Variants in THBS2 observed in about 807,000 individuals in gnomAD.
THBS2 encodes the protein thrombospondin 2.
A neutral mutation model predicts 135.2 loss-of-function variants in THBS2; 47 were observed. The observed-to-expected ratio is 0.35, with a 90% CI of 0.28 to 0.44. THBS2 has a LOEUF of 0.44. THBS2 is among the 20% of genes least tolerant of loss of function. The probability of loss-of-function intolerance (pLI) is 1.00; values close to 1 mark genes in which losing one functional copy is unlikely to be tolerated. For synonymous variants in THBS2, 639 were observed against 633.8 expected (o/e 1.01, Z -0.12); for missense variants, 1,288 against 1,603.1 (o/e 0.80, Z 3.36).
chr6:169,248,207 C>CACATGCCTGTGGCTGCGTGT (rs1780623387), intron 3 of THBS2, among the ~76,000 whole-genome samples: 1 of 151,526 alleles, frequency 6.6e-6, no homozygotes, highest in Non-Finnish European at 1.5e-5. Context: ...TGCATGTGTG[C>CACATGCCTGTGGCTGCGTGT]ACATGCCTGT....
Position 169,232,001 on chromosome 6 carries a change from G to A in THBS2, c.2130C>T (p.Asn710=), listed in dbSNP as rs753368388. ...WPNLNLVCAT[N]ATYHCIKDNC... ...TCACCTTGATGCAGTGGTAGGTGGC[G>A]TTGGTGGCGCAGACCAGATTGAGGT... The change falls in exon 13 of 22, where the codon AAC becomes AAT. Residue 710 remains asparagine (N), a synonymous_variant. Transcript: ENST00000617924. The A allele has an allele frequency of 5.6e-6, 9 of 1,613,842 alleles. No homozygotes were observed. The highest frequency in any genetic ancestry group is 4.4e-5 in the South Asian group (4 of 91,084).
intron 12 of THBS2, among the ~76,000 whole-genome samples, 189 bp from the exon 13 acceptor site, chr6:169,232,387 G>C (rs1002603049): frequency 2.6e-5 from 4 of 152,304 alleles, no homozygotes; most frequent in South Asian, 4.1e-4. Flanking sequence ...TTGTGACTCA[G>C]CCATCGTTTC....
In THBS2 at chr6:169,216,304, AT is replaced by A. The variant is rs947296486; in HGVS notation, c.*1517del. 4.3e-4 allele frequency: 65 copies of A among 152,296 alleles called. No homozygotes were observed. Among genetic ancestry groups the A allele is most frequent in the African/African-American group, 1.5e-3 (64 of 41,548 alleles). The allele number at this position is 152,296 out of a possible 1,614,324, so 9.4% of individuals were successfully genotyped here. On this transcript the variant is annotated 3_prime_UTR_variant, in exon 22 of 22. Coordinates refer to ENST00000617924, the MANE Select transcript of THBS2 (RefSeq NM_003247.5). ...GACTATTAACAGAAAGGGGAAAAAGATTTGCCCCCTATCCATCATCAGACAG... is the reference window on the plus strand; with the variant it reads ...GACTATTAACAGAAAGGGGAAAAAGATTGCCCCCTATCCATCATCAGACAG...
chr6:169,235,646 C>G (rs1186172379), intron 9 of THBS2, among the ~76,000 whole-genome samples: 1 of 151,900 alleles, frequency 6.6e-6, no homozygotes, highest in Non-Finnish European at 1.5e-5. Context: ...CCTCTGTCCA[C>G]ACTCACTACT....
chr6:169,225,725 T>C (rs1262419034), intron 16 of THBS2, among the ~76,000 whole-genome samples: 1 of 152,230 alleles, frequency 6.6e-6, no homozygotes, highest in African/African-American at 2.4e-5. Context: ...CATAGGATAA[T>C]ATATCCTATG....
At chr6:169,237,144 C>T in intron 9 of THBS2, 26 bp downstream of exon 9, 1 of 1,583,566 alleles carries the variant, frequency 6.3e-7, no homozygotes, top group Non-Finnish European at 8.6e-7. Context: ...CCCGCCCACC[C>T]AGGGCCCCGC....
At chr6:169,242,805 ACCTTCCCAC>A (rs1299367429) in intron 4 of THBS2, among the ~76,000 whole-genome samples, 2 of 95,632 alleles carry the variant, frequency 2.1e-5, no homozygotes, top group Admixed American at 1.0e-4. Flanking sequence ...CCACCTTCCC[ACCTTCCCAC>A]CACTCCCACC....
intron 4 of THBS2, among the ~76,000 whole-genome samples, chr6:169,245,217 G>A (rs1297736806): frequency 2.6e-5 from 4 of 152,160 alleles, no homozygotes; most frequent in Non-Finnish European, 4.4e-5. Context: ...GCTCAACATG[G>A]CAGCCACACA....
rs1454481401 is a variant in THBS2 at position 169,237,280 on chromosome 6, C to G, written c.1367G>C (p.Gly456Ala). ...GCAGAGACGGATGCGTGTGATATTG[C>G]CAACTCCACAGGTCACAGAGCATGA... ...WSSCSVTCGV[G>A]NITRIRLCNS... Residue 456 changes from glycine (G) to alanine (A), a missense_variant, in exon 9 of 22, where the codon GGC becomes GCC. Physicochemically the swap from Gly to Ala is moderately conservative, Grantham distance 60. This residue lies in a region of THBS2 where 874 missense variants were observed against 1,156.1 expected (regional missense o/e 0.76). Transcript: ENST00000617924. 1.2e-6 allele frequency: 2 copies of G among 1,613,484 alleles called. No individual in the cohort carries two copies. The highest frequency in any genetic ancestry group is 4.5e-5 in the East Asian group (2 of 44,884).
rs577405635 is a variant in THBS2 at position 169,225,235 on chromosome 6, C to T, written c.2683G>A (p.Ala895Thr). 223 of 1,613,970 alleles carry T rather than the reference C, an allele frequency of 1.4e-4. 1 individual carries two copies. In the South Asian group the frequency reaches 1.7e-3, roughly 12 times the overall value. ...ADHDRDGQGD[A>T]CDPDDDNDGV... Reference sequence around the variant, plus strand: ...TCGTTGTCATCATCAGGGTCACAGGCGTCGCCCTGGCCGTCTCTGTCATGG... The same window carrying T: ...TCGTTGTCATCATCAGGGTCACAGGTGTCGCCCTGGCCGTCTCTGTCATGG... The change falls in exon 17 of 22, where the codon GCC (alanine) becomes ACC (threonine). Residue 895 changes from alanine to threonine, a missense_variant. Ala to Thr is a moderately conservative substitution (Grantham distance 58). Around this residue, in one of 2 missense-constraint regions of THBS2, gnomAD observed 874 missense variants for 1,156.1 expected, o/e 0.76. Coordinates refer to ENST00000617924, the MANE Select transcript of THBS2 (RefSeq NM_003247.5).
rs143803225 is a variant in THBS2 at position 169,231,085 on chromosome 6, C to G, written c.2151+895G>C. ...AGTCCCCACGATGGATGTCCGCGTC[C>G]TAGTGTCTTGGCGCCCGGGGATGTC... On this transcript the variant is annotated intron_variant, in intron 13 of 21. Coordinates refer to ENST00000617924, the MANE Select transcript of THBS2 (RefSeq NM_003247.5). Among the ~76,000 whole-genome samples the G allele has an allele frequency of 1.4e-4, 22 of 152,286 alleles. No homozygotes were observed. In the East Asian group the frequency reaches 3.3e-3, roughly 23 times the overall value.
chr6:169,234,618 G>A lies in THBS2; in HGVS notation c.1651+116C>T, dbSNP rs1433396742. On this transcript the variant is annotated intron_variant, in intron 10 of 21. Transcript: ENST00000617924. Reference sequence around the variant, plus strand: ...GTTAAAAGTAGTTATCTTTGCGTGTGCAACTAAAATTGATTTTTCTTTTCT... The same window carrying A: ...GTTAAAAGTAGTTATCTTTGCGTGTACAACTAAAATTGATTTTTCTTTTCT... 2.9e-5 allele frequency: 31 copies of A among 1,071,302 alleles called. No homozygotes were observed. The African/African-American group carries it at 4.1e-4, about 14-fold the overall frequency. The allele number at this position is 1,071,302 out of a possible 1,614,324, so 66.4% of individuals were successfully genotyped here.
At chr6:169,224,141 T>TAGGA (rs10661544) in intron 17 of THBS2, among the ~76,000 whole-genome samples, 4 of 151,792 alleles carry the variant, frequency 2.6e-5, no homozygotes, top group South Asian at 4.2e-4. Context: ...CCTGCCGTTT[T>TAGGA]GGAGGAAAGG....
chr6:169,229,651 C>A lies in THBS2; in HGVS notation c.2180G>T (p.Gly727Val). ...CCCGTCCTTGTCAAAGTCTTCCTGC[C>A]CAGAATTTGGCAGATGGGGGCAGTT... is the stretch of plus-strand genomic sequence containing the variant. ...KDNCPHLPNS[G>V]QEDFDKDGIG... Residue 727 changes from glycine (G) to valine (V), a missense_variant, in exon 14 of 22, where the codon GGG becomes GTG. Physicochemically the swap from Gly to Val is moderately radical, Grantham distance 109. Coordinates refer to ENST00000617924, the MANE Select transcript of THBS2 (RefSeq NM_003247.5). 6.2e-7 allele frequency: 1 copy of A among 1,613,946 alleles called. No individual in the cohort carries two copies. The highest frequency in any genetic ancestry group is 8.5e-7 in the Non-Finnish European group (1 of 1,179,906).
At chr6:169,235,876 C>T (rs1326427555) in intron 9 of THBS2, among the ~76,000 whole-genome samples, 1 of 126,956 alleles carries the variant, frequency 7.9e-6, no homozygotes, top group Non-Finnish European at 1.7e-5. Flanking sequence ...ACACTCACTC[C>T]CCCATCCACA....
intron 1 of THBS2, among the ~76,000 whole-genome samples, chr6:169,251,280 G>T (rs544717958): frequency 6.6e-6 from 1 of 152,218 alleles, no homozygotes; most frequent in Admixed American, 6.5e-5. Flanking sequence ...GCAAAAAACA[G>T]TTATGCATAA....
At chr6:169,248,045 G>A (rs866856962) in intron 3 of THBS2, among the ~76,000 whole-genome samples, 39 of 127,490 alleles carry the variant, frequency 3.1e-4, no homozygotes, top group Non-Finnish European at 5.9e-4. Context: ...GTGTGTGTGC[G>A]TGTCTGTGTG....
Position 169,248,747 on chromosome 6 carries a change from G to T in THBS2, c.279C>A (p.Asp93Glu). 6.2e-7 allele frequency: 1 copy of T among 1,613,350 alleles called. No individual in the cohort carries two copies. Among genetic ancestry groups the T allele is most frequent in the Non-Finnish European group, 8.5e-7 (1 of 1,179,994 alleles). ...GFFLTAQLKQDGKSRGTLLAL... is the reference protein window; with the variant it reads ...GFFLTAQLKQEGKSRGTLLAL... Reference sequence around the variant, plus strand: ...CCAACAGCGTGCCCCTGGACTTGCCGTCCTGCTTGAGCTGGGCCGTGAGGA... The same window carrying T: ...CCAACAGCGTGCCCCTGGACTTGCCTTCCTGCTTGAGCTGGGCCGTGAGGA... The change falls in exon 3 of 22, where the codon GAC (aspartate) becomes GAA (glutamate). Residue 93 changes from aspartate to glutamate, a missense_variant. By Grantham distance (45) the Asp-to-Glu change is conservative (BLOSUM62 2). Transcript: ENST00000617924.
At chr6:169,229,046 G>A (rs1018902251) in intron 14 of THBS2, among the ~76,000 whole-genome samples, 2 of 152,298 alleles carry the variant, frequency 1.3e-5, no homozygotes, top group African/African-American at 4.8e-5. Flanking sequence ...ACTTCATGGT[G>A]AGGAGAGATA....
Sources: gnomAD v4.1 joint callset for allele counts (sites outside exome capture counted in the v4.1 genomes callset) on GRCh38, gnomAD v4.1.1 for gene constraint, gnomAD v4.1.1 regional missense constraint, MANE v1.5 for transcripts, NCBI Gene and HGNC (gene_info 2026-07-23, HGNC 2026-07-21) for gene names.